Variants in SPTB observed in about 807,000 individuals in gnomAD.
SPTB encodes the protein spectrin beta chain, erythrocytic.
In SPTB, 45 loss-of-function variants were observed where a neutral mutation model predicts 256.2. That is an observed-to-expected ratio of 0.18 (90% CI 0.14 to 0.23). SPTB has a LOEUF of 0.23. Ranked by LOEUF, SPTB falls within the 10% of genes least tolerant of loss-of-function variation. The pLI is 1.00. For synonymous variants in SPTB, 1,231 were observed against 1,243.1 expected (o/e 0.99, Z 0.21); for missense variants, 2,715 against 3,040.4 (o/e 0.89, Z 2.52).
chr14:64,847,936 A>G lies in SPTB; in HGVS notation c.-51-24791T>C, dbSNP rs2083718546. On this transcript the variant is annotated intron_variant, in intron 1 of 35. Transcript: ENST00000644917. The surrounding 1 kb of genome is among the most constrained non-coding windows in gnomAD (Gnocchi z 5.9). ...TGTCCGTGGCCAGGTGATCGCATGC[A>G]TCCTTCACCTGTGAATGCCTTCATC... 6.6e-6 allele frequency among the ~76,000 whole-genome samples: 1 copy of G among 152,142 alleles called. No individual in the cohort carries two copies. Among genetic ancestry groups the G allele is most frequent in the South Asian group, 2.1e-4 (1 of 4,822 alleles).
intron 1 of SPTB, among the ~76,000 whole-genome samples, chr14:64,864,221 C>T (rs988392143): frequency 6.6e-6 from 1 of 152,052 alleles, no homozygotes; most frequent in African/African-American, 2.4e-5. Flanking sequence ...CTTTGGGAGG[C>T]CAAGGTGGGA....
In SPTB at chr14:64,806,741, G is replaced by A. The variant is rs1301985629; in HGVS notation, c.149-1651C>T. On this transcript the variant is annotated intron_variant, in intron 2 of 35. Coordinates refer to ENST00000644917, the MANE Select transcript of SPTB (RefSeq NM_001355436.2). The surrounding 1 kb of genome is among the most constrained non-coding windows in gnomAD (Gnocchi z 4.1). ...TGGGGAACTCAAGGACAAGACTGAT[G>A]GTCCCTATCCTTGAGGCAGACAGAC... Among the ~76,000 whole-genome samples, 1 of 152,158 alleles carries A rather than the reference G, an allele frequency of 6.6e-6. No homozygotes were observed. The highest frequency in any genetic ancestry group is 1.5e-5 in the Non-Finnish European group (1 of 68,038).
chr14:64,773,341 AGCTTGC>A lies in SPTB; in HGVS notation c.5051_5056del (p.Arg1684_Lys1685del), dbSNP rs773197897. On this transcript the variant is annotated inframe_deletion, in exon 25 of 36. Coordinates refer to ENST00000644917, the MANE Select transcript of SPTB (RefSeq NM_001355436.2). ...CTGGAACAGGTGGTACATGTTCTCC[AGCTTGC>A]GCTTGCGCTCTTCCGCCACGTCCTT... The A allele has an allele frequency of 3.7e-6, 6 of 1,614,080 alleles. No homozygotes were observed. Among genetic ancestry groups the A allele is most frequent in the Non-Finnish European group, 4.2e-6 (5 of 1,180,008 alleles).
At position 64,786,532 on chromosome 14, in the gene SPTB, C is replaced by T. The variant is rs571964071; in HGVS notation, c.3433G>A (p.Gly1145Ser). The T allele has an allele frequency of 2.5e-6, 4 of 1,614,176 alleles. No individual in the cohort carries two copies. The South Asian group carries it at 4.4e-5, about 18-fold the overall frequency. The part of the protein sequence containing the change: ...EYLLLGQRLE[G>S]LDTGWNALGR... ...AGGGCATTCCAGCCAGTATCCAGGC[C>T]CTCCAGCCGCTGGCCCAGAAGCAGA... is the stretch of plus-strand genomic sequence containing the variant. Residue 1145 changes from glycine (G) to serine (S), a missense_variant, in exon 16 of 36, where the codon GGC (glycine) becomes AGC (serine). Physicochemically the swap from Gly to Ser is moderately conservative, Grantham distance 56. Around this residue, in one of 4 missense-constraint regions of SPTB, gnomAD observed 2,239 missense variants for 2,384.4 expected, o/e 0.94. Transcript: ENST00000644917. This position sits in a 1 kb window ranked among gnomAD's most constrained non-coding sequence, Gnocchi z 5.6.
chr14:64,789,929 C>T (rs2082641158), intron 15 of SPTB, among the ~76,000 whole-genome samples: 1 of 152,130 alleles, frequency 6.6e-6, no homozygotes, highest in African/African-American at 2.4e-5. Flanking sequence ...TGAGGCGACA[C>T]TGGGGGTGGA....
At position 64,787,109 on chromosome 14, in the gene SPTB, T is replaced by C. The variant is rs2082585770; in HGVS notation, c.2856A>G (p.Ser952=). 2 of 1,607,758 alleles carry C rather than the reference T, an allele frequency of 1.2e-6. No homozygotes were observed. Among genetic ancestry groups the C allele is most frequent in the Non-Finnish European group, 1.7e-6 (2 of 1,179,946 alleles). The change falls in exon 16 of 36, where the codon TCA becomes TCG. Residue 952 remains serine (S), a synonymous_variant. Coordinates refer to ENST00000644917, the MANE Select transcript of SPTB (RefSeq NM_001355436.2). ...LVSERREAVD[S]ALRVHNYCVD... ...CGCAGTAGTTGTGCACTCGGAGGGC[T>C]GAGTCCACAGCCTCCCGCCGCTCCG...
intron 2 of SPTB, among the ~76,000 whole-genome samples, chr14:64,808,053 G>T (rs898969456): frequency 2.6e-5 from 4 of 152,204 alleles, no homozygotes; most frequent in African/African-American, 9.7e-5. Context: ...TCGCTCTGTT[G>T]CCAGGCTGGA....
Position 64,851,475 on chromosome 14 carries a change from T to C in SPTB, c.-52+28317A>G, listed in dbSNP as rs1265555183. Among the ~76,000 whole-genome samples, 3 of 152,074 alleles carry C rather than the reference T, an allele frequency of 2.0e-5. 1 individual carries two copies. Among genetic ancestry groups the C allele is most frequent in the South Asian group, 4.1e-4 (2 of 4,830 alleles). On this transcript the variant is annotated intron_variant, in intron 1 of 35. Coordinates refer to ENST00000644917, the MANE Select transcript of SPTB (RefSeq NM_001355436.2). ...GTAGCAGTAGCAGTAGTAGTAGTAG[T>C]AGTAGCAGTAGCAGCAGCAGCAGCA...
At chr14:64,776,327 A>ATTTTTT (rs2082355133) in intron 22 of SPTB, among the ~76,000 whole-genome samples, 1 of 152,198 alleles carries the variant, frequency 6.6e-6, no homozygotes, top group Non-Finnish European at 1.5e-5. Context: ...TTATGCTCAG[A>ATTTTTT]ACCTCAATTT....
rs762950264 is a variant in SPTB, at chr14:64,773,209, T to C, written c.5178+11A>G. The stretch of plus-strand genomic sequence containing the variant: ...AGAAAGACAAAAACAGCAGGAGTTG[T>C]GGCTACTCACAGTCACGTGGTCAAA... On this transcript the variant is annotated intron_variant, in intron 25 of 35. Transcript: ENST00000644917. 9 of 1,613,994 alleles carry C rather than the reference T, an allele frequency of 5.6e-6. No homozygotes were observed. In the Admixed American group the frequency reaches 1.3e-4, roughly 24 times the overall value.
rs1409755521 is a variant in SPTB at position 64,791,782 on chromosome 14, A to C, written c.2741T>G (p.Leu914Trp). 1 of 1,614,148 alleles carries C rather than the reference A, an allele frequency of 6.2e-7. No homozygotes were observed. Among genetic ancestry groups the C allele is most frequent in the Non-Finnish European group, 8.5e-7 (1 of 1,180,028 alleles). Residue 914 changes from leucine to tryptophan, a missense_variant, in exon 15 of 36, where the codon TTG becomes TGG. By Grantham distance (61) the Leu-to-Trp change is moderately conservative (BLOSUM62 -2). This residue lies in a region of SPTB where 2,239 missense variants were observed against 2,384.4 expected (regional missense o/e 0.94). Coordinates refer to ENST00000644917, the MANE Select transcript of SPTB (RefSeq NM_001355436.2). ...IDGVNLAANS[L>W]VESGHPRSRE... ...GCTGCGTGGGTGGCCACTCTCTACC[A>C]AGCTGTTGGCAGCGAGGTTCACACC...
At chr14:64,800,389 T>G (rs998971878) in intron 8 of SPTB, among the ~76,000 whole-genome samples, 3 of 152,254 alleles carry the variant, frequency 2.0e-5, no homozygotes, top group African/African-American at 7.2e-5. Flanking sequence ...GAATCTGGCA[T>G]GAGGGTCTAT....
chr14:64,822,657 A>C (rs1434760164), intron 2 of SPTB, among the ~76,000 whole-genome samples: 1 of 152,106 alleles, frequency 6.6e-6, no homozygotes, highest in Non-Finnish European at 1.5e-5. Context: ...TGCTTTGCCC[A>C]GACTCTCGTA....
chr14:64,855,617 T>TA (rs11443863), intron 1 of SPTB, among the ~76,000 whole-genome samples: 1 of 152,060 alleles, frequency 6.6e-6, no homozygotes, highest in Non-Finnish European at 1.5e-5. Context: ...ACAATGTAAT[T>TA]CCTGAGAGAA....
chr14:64,751,625 C>G (rs922299840), intron 33 of SPTB, among the ~76,000 whole-genome samples: 9 of 152,002 alleles, frequency 5.9e-5, no homozygotes, highest in African/African-American at 2.2e-4. Context: ...TTAAGACCAA[C>G]AGTAAAAAAT....
intron 26 of SPTB, among the ~76,000 whole-genome samples, 197 bp from the exon 27 acceptor site, chr14:64,771,326 C>T (rs1377481510): frequency 1.3e-5 from 2 of 152,184 alleles, no homozygotes; most frequent in African/African-American, 4.8e-5. Flanking sequence ...CCCAAGATAC[C>T]TCTTGAACTT....
Position 64,747,975 on chromosome 14 carries a change from T to C in SPTB, c.*1331A>G, listed in dbSNP as rs937373179. ...AAGGGGAAGGCCATTCCTGGGGACGTTGGTTGCAGAGCTTCTGGTGCTCAG... is the reference window on the plus strand; with the variant it reads ...AAGGGGAAGGCCATTCCTGGGGACGCTGGTTGCAGAGCTTCTGGTGCTCAG... On this transcript the variant is annotated 3_prime_UTR_variant, in exon 36 of 36. Coordinates refer to ENST00000644917, the MANE Select transcript of SPTB (RefSeq NM_001355436.2). 6.6e-6 allele frequency: 1 copy of C among 151,952 alleles called. No homozygotes were observed. The highest frequency in any genetic ancestry group is 1.5e-5 in the Non-Finnish European group (1 of 67,998). 9.4% of individuals were successfully genotyped at this position (151,952 alleles called of 1,614,324 possible).
intron 1 of SPTB, among the ~76,000 whole-genome samples, chr14:64,854,050 G>C (rs2139782343): frequency 6.6e-6 from 1 of 151,756 alleles, no homozygotes; most frequent in African/African-American, 2.4e-5. Flanking sequence ...AAATTAGCTG[G>C]GCATGGTGGC....
intron 1 of SPTB, among the ~76,000 whole-genome samples, chr14:64,832,288 C>G (rs769896014): frequency 3.3e-5 from 5 of 152,238 alleles, no homozygotes; most frequent in Non-Finnish European, 5.9e-5. Context: ...CTTTTCAGGT[C>G]TTATCTTACT....
Sources: gnomAD v4.1 joint callset for allele counts (sites outside exome capture counted in the v4.1 genomes callset) on GRCh38, gnomAD v4.1.1 for gene constraint, gnomAD v4.1.1 regional missense constraint, Gnocchi (gnomAD v3.1) non-coding constraint, MANE v1.5 for transcripts, NCBI Gene and HGNC (gene_info 2026-07-23, HGNC 2026-07-21) for gene names.